Variants in MAGI2 observed in about 807,000 individuals in gnomAD.
MAGI2 encodes membrane-associated guanylate kinase, WW and PDZ domain-containing protein 2.
A neutral mutation model predicts 133.3 loss-of-function variants in MAGI2; 35 were observed. The observed-to-expected ratio is 0.26, with a 90% CI of 0.20 to 0.35. The LOEUF (loss-of-function observed/expected upper bound fraction) is 0.35, where lower values mean the gene tolerates loss of function less well. MAGI2 is among the 10% of genes least tolerant of loss of function. MAGI2 has a pLI of 1.00. For missense variants in MAGI2, 1,636 were observed against 1,863.4 expected, an observed-to-expected ratio of 0.88 and a Z score of 2.25; for synonymous variants, 729 against 710.6, an observed-to-expected ratio of 1.03 and a Z score of -0.41.
chr7:78,919,851 A>T (rs1173677689), intron 2 of MAGI2, among the ~76,000 whole-genome samples: 1 of 152,138 alleles, frequency 6.6e-6, no homozygotes, highest in Non-Finnish European at 1.5e-5. Context: ...TTGAAATTTT[A>T]TTCATGCCAT....
chr7:78,582,247 T>C (rs1464527543), intron 3 of MAGI2, among the ~76,000 whole-genome samples: 1 of 152,186 alleles, frequency 6.6e-6, no homozygotes, highest in African/African-American at 2.4e-5. Flanking sequence ...TCAACCAGTC[T>C]TCAGGTATAA....
intron 1 of MAGI2, among the ~76,000 whole-genome samples, chr7:79,088,658 G>A (rs985009244): frequency 1.3e-5 from 2 of 152,010 alleles, no homozygotes; most frequent in African/African-American, 4.8e-5. Context: ...GTCATAAATA[G>A]CTCTTATTAT....
intron 2 of MAGI2, among the ~76,000 whole-genome samples, chr7:78,631,260 C>A (rs1341151568): frequency 6.6e-6 from 1 of 152,144 alleles, no homozygotes; most frequent in East Asian, 1.9e-4. Context: ...GAGTCACCTA[C>A]CTTTGAGTCC....
intron 20 of MAGI2, among the ~76,000 whole-genome samples, chr7:78,086,831 C>T (rs780743780): frequency 1.5e-4 from 22 of 149,838 alleles, no homozygotes; most frequent in Admixed American, 2.7e-4. Context: ...GACGGGGTTT[C>T]GCCATGTTGC....
intron 6 of MAGI2, among the ~76,000 whole-genome samples, chr7:78,446,018 G>A (rs928423128): frequency 7.2e-6 from 1 of 139,236 alleles, no homozygotes; most frequent in African/African-American, 2.6e-5. Flanking sequence ...GCTTTTCCAA[G>A]CTCTGCCAGT....
chr7:78,164,666 CT>C (rs35026259), intron 15 of MAGI2, among the ~76,000 whole-genome samples: 1 of 152,244 alleles, frequency 6.6e-6, no homozygotes, highest in Non-Finnish European at 1.5e-5. Flanking sequence ...ACAACCTCCC[CT>C]TTTTTGGCAT....
intron 2 of MAGI2, among the ~76,000 whole-genome samples, chr7:78,795,098 A>G (rs1787495572): frequency 6.6e-6 from 1 of 152,108 alleles, no homozygotes; most frequent in Non-Finnish European, 1.5e-5. Flanking sequence ...AATAAAGAGC[A>G]TTCAAATTGG....
intron 2 of MAGI2, among the ~76,000 whole-genome samples, chr7:78,867,030 T>G (rs2151512840): frequency 6.6e-6 from 1 of 150,950 alleles, no homozygotes; most frequent in Non-Finnish European, 1.5e-5. Context: ...CATTAAAAAG[T>G]CAGGAAACAA....
intron 1 of MAGI2, among the ~76,000 whole-genome samples, chr7:79,286,499 G>A (rs59762738): frequency 0.21 from 31,316 of 151,800 alleles, 4,030 homozygotes; most frequent in East Asian, 0.35. Flanking sequence ...AAGAAAGGGT[G>A]AATATGGGGG....
chr7:78,661,627 C>T (rs960330884), intron 2 of MAGI2, among the ~76,000 whole-genome samples: 1 of 152,196 alleles, frequency 6.6e-6, no homozygotes, highest in Non-Finnish European at 1.5e-5. Flanking sequence ...TCATCCCTCA[C>T]TCAACTAGAC....
At chr7:78,473,705 A>G (rs1048788450) in intron 6 of MAGI2, among the ~76,000 whole-genome samples, 4 of 152,100 alleles carry the variant, frequency 2.6e-5, no homozygotes, top group African/African-American at 9.6e-5. Context: ...ACATACACAC[A>G]TATTTCTTCC....
intron 21 of MAGI2, among the ~76,000 whole-genome samples, chr7:78,077,403 AAT>A (rs3084740): frequency 0.21 from 30,755 of 148,596 alleles, 3,680 homozygotes; most frequent in East Asian, 0.47. Context: ...GCTTATTGAT[AAT>A]ATATATATAT....
intron 10 of MAGI2, among the ~76,000 whole-genome samples, chr7:78,242,346 C>A (rs1466912683): frequency 6.6e-6 from 1 of 152,228 alleles, no homozygotes; most frequent in African/African-American, 2.4e-5. Flanking sequence ...TGAGCCACTG[C>A]ATGGAGGGGA....
At chr7:78,689,678 CTGGCTTTTTT>C (rs1404342370) in intron 2 of MAGI2, among the ~76,000 whole-genome samples, 5 of 89,220 alleles carry the variant, frequency 5.6e-5, no homozygotes, top group African/African-American at 2.1e-4. Context: ...CTTTTTGGAT[CTGGCTTTTTT>C]TTTTTTTTTT....
intron 2 of MAGI2, among the ~76,000 whole-genome samples, chr7:78,874,323 A>G (rs771772406): frequency 6.6e-6 from 1 of 152,174 alleles, no homozygotes; most frequent in African/African-American, 2.4e-5. Context: ...TTAGACTAGT[A>G]TAGTCTAGAA....
chr7:78,151,895 C>T lies in MAGI2; in HGVS notation c.2845+8130G>A, dbSNP rs144981657. Among the ~76,000 whole-genome samples, 689 of 152,048 alleles carry T rather than the reference C, an allele frequency of 4.5e-3. 2 individuals are homozygous for T. The highest frequency in any genetic ancestry group is 0.015 in the African/African-American group (641 of 41,460). ...ACAGTCTTCCTTTTGATGAGGATTG[C>T]GCTGGATCACTGTATGAGAAGCATA... On this transcript the variant is annotated intron_variant, in intron 16 of 21. Coordinates refer to ENST00000354212, the MANE Select transcript of MAGI2 (RefSeq NM_012301.4).
chr7:78,727,836 G>C (rs1401060745), intron 2 of MAGI2, among the ~76,000 whole-genome samples: 1 of 152,080 alleles, frequency 6.6e-6, no homozygotes, highest in African/African-American at 2.4e-5. Flanking sequence ...GGCATATATG[G>C]ACCAGTCATT....
At chr7:79,441,941 T>C (rs1160785313) in intron 1 of MAGI2, among the ~76,000 whole-genome samples, 2 of 152,186 alleles carry the variant, frequency 1.3e-5, no homozygotes, top group African/African-American at 4.8e-5. Flanking sequence ...TAAACCATTC[T>C]GCAAATGCAT....
intron 10 of MAGI2, among the ~76,000 whole-genome samples, chr7:78,232,843 A>G (rs556886750): frequency 1.3e-5 from 2 of 152,336 alleles, no homozygotes; most frequent in South Asian, 4.1e-4. Flanking sequence ...ATACTTTGCA[A>G]TGACAAAGAG....
Sources: gnomAD v4.1 joint callset for allele counts (sites outside exome capture counted in the v4.1 genomes callset) on GRCh38, gnomAD v4.1.1 for gene constraint, MANE v1.5 for transcripts, NCBI Gene and HGNC (gene_info 2026-07-23, HGNC 2026-07-21) for gene names.